Variants in PACRG observed in about 807,000 individuals in gnomAD.
PACRG encodes parkin coregulated gene protein.
Under a neutral mutation model 29.7 loss-of-function variants are expected in PACRG, and 29 were observed. The observed-to-expected ratio is 0.98, with a 90% CI of 0.73 to 1.33. The LOEUF is 1.33. PACRG is among the 40% of genes most tolerant of loss of function. PACRG has a pLI of 0.00. For synonymous variants in PACRG, 116 were observed against 118.7 expected (o/e 0.98, Z 0.15); for missense variants, 279 against 316.2 (o/e 0.88, Z 0.89).
At chr6:162,854,357 G>A (rs1257744725) in intron 2 of PACRG, among the ~76,000 whole-genome samples, 2 of 152,026 alleles carry the variant, frequency 1.3e-5, no homozygotes, top group Non-Finnish European at 2.9e-5. Context: ...ACTTCTACCT[G>A]CATAGTTCCA....
chr6:163,249,625 C>A (rs899716479), intron 4 of PACRG, among the ~76,000 whole-genome samples: 1 of 152,166 alleles, frequency 6.6e-6, no homozygotes, highest in East Asian at 1.9e-4. Context: ...TTCCATGGGA[C>A]CTAGTGGTCT....
intron 4 of PACRG, among the ~76,000 whole-genome samples, chr6:163,207,936 CCA>C (rs1780974101): frequency 6.6e-6 from 1 of 152,176 alleles, no homozygotes; most frequent in Non-Finnish European, 1.5e-5. Context: ...TCTGTGGATA[CCA>C]TATGGATGTC....
chr6:163,300,581 G>A (rs1472310962), intron 4 of PACRG, among the ~76,000 whole-genome samples: 1 of 152,206 alleles, frequency 6.6e-6, no homozygotes. Flanking sequence ...CCAGCAACGG[G>A]CAAGGAGATA....
chr6:162,845,241 A>G (rs1008349780), intron 2 of PACRG, among the ~76,000 whole-genome samples: 7 of 152,166 alleles, frequency 4.6e-5, no homozygotes, highest in African/African-American at 1.7e-4. Context: ...ACAAACAAAC[A>G]AAACCCCACT....
At position 162,855,535 on chromosome 6, in the gene PACRG, AG is replaced by A. The variant is rs147886384; in HGVS notation, c.291+41257del. 2.6e-5 allele frequency among the ~76,000 whole-genome samples: 4 copies of A among 152,356 alleles called. No individual in the cohort carries two copies. In the East Asian group the frequency reaches 7.7e-4, roughly 29 times the overall value. On this transcript the variant is annotated intron_variant, in intron 2 of 4. Coordinates refer to ENST00000366888, the MANE Select transcript of PACRG (RefSeq NM_001080379.2). ...ATGGAGAAAGAAGAAATACAGAGTG[AG>A]GGACTTAAAAATATTGAAATGGCTT...
intron 2 of PACRG, among the ~76,000 whole-genome samples, chr6:162,917,265 G>A (rs1270044711): frequency 6.6e-6 from 1 of 152,104 alleles, no homozygotes; most frequent in Non-Finnish European, 1.5e-5. Context: ...ATTTATCCTG[G>A]AGCAGTGAAG....
intron 4 of PACRG, among the ~76,000 whole-genome samples, chr6:163,254,574 A>G (rs1783037256): frequency 1.3e-5 from 2 of 152,208 alleles, no homozygotes; most frequent in African/African-American, 4.8e-5. Flanking sequence ...TCAGAAATGT[A>G]GTTTGCTCTC....
chr6:163,141,770 A>G (rs984486334), intron 4 of PACRG, among the ~76,000 whole-genome samples: 3 of 152,184 alleles, frequency 2.0e-5, no homozygotes, highest in African/African-American at 7.2e-5. Flanking sequence ...TATCCTAACA[A>G]TATAGCAGAA....
chr6:163,084,331 C>CA (rs1007344993), intron 3 of PACRG, among the ~76,000 whole-genome samples: 20 of 149,300 alleles, frequency 1.3e-4, no homozygotes, highest in South Asian at 6.4e-4. Context: ...AGAACTGTTT[C>CA]AAAAAAAAAA....
intron 1 of PACRG, among the ~76,000 whole-genome samples, chr6:162,803,103 G>T (rs1584404961): frequency 6.6e-6 from 1 of 152,156 alleles, no homozygotes; most frequent in East Asian, 1.9e-4. Flanking sequence ...CACAGGTATT[G>T]CAAGCTTAAT....
chr6:162,977,808 T>C (rs1802080273), intron 2 of PACRG, among the ~76,000 whole-genome samples: 1 of 152,158 alleles, frequency 6.6e-6, no homozygotes, highest in African/African-American at 2.4e-5. Context: ...AAAACTACCT[T>C]ATTTTTTAAT....
At chr6:163,270,008 G>GAAAGAAAGA (rs1562350633) in intron 4 of PACRG, among the ~76,000 whole-genome samples, 2 of 76,600 alleles carry the variant, frequency 2.6e-5, no homozygotes, top group African/African-American at 1.2e-4. Context: ...AGAAAGAAAG[G>GAAAGAAAGA]AGGGAGGGAG....
At chr6:162,957,337 A>G in intron 2 of PACRG, 2 of 605,616 alleles carry the variant, frequency 3.3e-6, no homozygotes, top group Non-Finnish European at 5.9e-6. Context: ...TTTAGCACTC[A>G]TGGAACCACC....
intron 1 of PACRG, among the ~76,000 whole-genome samples, chr6:162,775,915 G>A (rs1420835077): frequency 2.0e-5 from 3 of 152,200 alleles, no homozygotes; most frequent in African/African-American, 7.2e-5. Context: ...GTATAAGTTT[G>A]TCTTATGATA....
chr6:163,110,241 G>A (rs750575204), intron 4 of PACRG, among the ~76,000 whole-genome samples: 8 of 152,120 alleles, frequency 5.3e-5, no homozygotes, highest in Non-Finnish European at 8.8e-5. Flanking sequence ...CTGGTACCTG[G>A]TACAGATGGG....
At chr6:163,077,282 G>C (rs556700867) in intron 3 of PACRG, among the ~76,000 whole-genome samples, 5 of 152,260 alleles carry the variant, frequency 3.3e-5, no homozygotes, top group African/African-American at 1.2e-4. Context: ...GGCCTAGTAG[G>C]AGGAGAGGTG....
At chr6:162,840,070 G>T (rs1275722499) in intron 2 of PACRG, among the ~76,000 whole-genome samples, 1 of 112,992 alleles carries the variant, frequency 8.9e-6, no homozygotes, top group Non-Finnish European at 1.8e-5. Context: ...TTGACTTGGC[G>T]ATGCAGGCTC....
intron 2 of PACRG, among the ~76,000 whole-genome samples, chr6:162,846,597 C>T (rs1198258822): frequency 6.6e-6 from 1 of 152,176 alleles, no homozygotes; most frequent in Non-Finnish European, 1.5e-5. Context: ...CTAATAATCA[C>T]CCATCCCCAC....
chr6:163,101,784 C>G (rs1012702023), intron 4 of PACRG, among the ~76,000 whole-genome samples: 1 of 152,164 alleles, frequency 6.6e-6, no homozygotes, highest in Admixed American at 6.5e-5. Flanking sequence ...AGCCTGGTTG[C>G]GCTGCCTACA....
Sources: allele counts gnomAD v4.1 joint callset (sites outside exome capture counted in the v4.1 genomes callset), GRCh38; gene constraint gnomAD v4.1.1; transcripts MANE v1.5; gene names NCBI Gene and HGNC (gene_info 2026-07-23, HGNC 2026-07-21).